The following DPAGT1 variants were observed in gnomAD, a reference collection of about 807,000 sequenced individuals.
The protein encoded by DPAGT1 is dolichyl-phosphate N-acetylglucosaminephosphotransferase 1, also known as UDP-N-acetylglucosamine--dolichyl-phosphate N-acetylglucosaminephosphotransferase.
A neutral mutation model predicts 39.3 loss-of-function variants in DPAGT1; 25 were observed. The observed-to-expected ratio is 0.64, with a 90% CI of 0.46 to 0.89. DPAGT1 has a LOEUF of 0.89. Ranked by LOEUF, DPAGT1 falls within the 40% of genes least tolerant of loss-of-function variation. The pLI, the probability that DPAGT1 is intolerant of heterozygous loss-of-function variation, is 0.00. For missense variants in DPAGT1, 381 were observed against 500.6 expected (o/e 0.76, Z 2.28); for synonymous variants, 193 against 201.4 (o/e 0.96, Z 0.36).
chr11:119,098,253 G>A (rs1946434867), intron 5 of DPAGT1, 150 bp downstream of exon 5: 3 of 1,139,126 alleles, frequency 2.6e-6, no homozygotes, highest in Non-Finnish European at 4.0e-6. Flanking sequence ...ACTGGGTAGA[G>A]AGAAATTTCA....
chr11:119,094,777 G>A (rs1224864564), downstream of DPAGT1: 2 of 624,126 alleles, frequency 3.2e-6, no homozygotes, highest in Non-Finnish European at 5.3e-6. Flanking sequence ...ACGGGAGCGG[G>A]GGCGGGCGGG....
rs1461084478 is a variant in DPAGT1 at position 119,097,129 on chromosome 11, T to C, written c.1161+13A>G. The C allele has an allele frequency of 3.7e-6, 6 of 1,614,088 alleles. No homozygotes were observed. Among genetic ancestry groups the C allele is most frequent in the Non-Finnish European group, 5.1e-6 (6 of 1,180,044 alleles). ...GGGAGACACGGAGGTATAAACTCGA[T>C]TCCCATCCTCACCTGCAGCAGCAGC... On this transcript the variant is annotated intron_variant, in intron 8 of 8. Coordinates refer to ENST00000354202, the MANE Select transcript of DPAGT1 (RefSeq NM_001382.4). This position sits in a 1 kb window ranked among gnomAD's most constrained non-coding sequence, Gnocchi z 4.6.
rs536452844 is a variant in DPAGT1, at chr11:119,100,248, C to T, written c.643+14G>A. The T allele has an allele frequency of 1.4e-5, 22 of 1,614,168 alleles. No homozygotes were observed. The highest frequency in any genetic ancestry group is 1.9e-5 in the Non-Finnish European group (22 of 1,180,024). ...CACTCAGACTTCTCTCTCCCCACCC[C>T]CAATCCCACCTACCTTCCAACTCTA... is the stretch of plus-strand genomic sequence containing the variant. On this transcript the variant is annotated intron_variant, in intron 4 of 8. Transcript: ENST00000354202.
At chr11:119,094,975 G>A (rs1379694876), downstream of DPAGT1, 2 of 1,611,544 alleles carry the variant, frequency 1.2e-6, no homozygotes, top group Non-Finnish European at 1.7e-6. Context: ...AGTACTCCTG[G>A]GAGGCCTGGG....
intron 4 of DPAGT1, among the ~76,000 whole-genome samples, chr11:119,099,254 G>A (rs912260236): frequency 4.6e-5 from 7 of 151,974 alleles, no homozygotes; most frequent in South Asian, 2.1e-4. Flanking sequence ...GAGAAACCCC[G>A]TCTCTACTAG....
At chr11:119,095,421 G>A (rs752719147), downstream of DPAGT1, 33 of 1,493,172 alleles carry the variant, frequency 2.2e-5, no homozygotes, top group Middle Eastern at 7.0e-4. Flanking sequence ...GGTGAAGCAC[G>A]ACGGCTCAAA....
chr11:119,099,571 T>C (rs535019223), intron 4 of DPAGT1, among the ~76,000 whole-genome samples: 1 of 151,752 alleles, frequency 6.6e-6, no homozygotes, highest in Admixed American at 6.6e-5. Flanking sequence ...GGCAGATCAC[T>C]TGAGCCCAGG....
At position 119,100,795 on chromosome 11, in the gene DPAGT1, G is replaced by A. The variant is rs767388830; in HGVS notation, c.331C>T (p.Leu111=). 2 of 1,614,240 alleles carry A rather than the reference G, an allele frequency of 1.2e-6. No homozygotes were observed. Among genetic ancestry groups the A allele is most frequent in the South Asian group, 2.2e-5 (2 of 91,088 alleles). Reference sequence around the variant, plus strand: ...TTCAGTACATCATCCGCAAAGCCCAGGAAGATCATGCAGCAGATGGCAAGG... The same window carrying A: ...TTCAGTACATCATCCGCAAAGCCCAAGAAGATCATGCAGCAGATGGCAAGG... The part of the protein sequence containing the change: ...ALLAICCMIF[L]GFADDVLNLR... The change falls in exon 3 of 9, where the codon CTG becomes TTG. Residue 111 remains leucine, a synonymous_variant. Transcript: ENST00000354202.
chr11:119,095,467 T>G, downstream of DPAGT1: 3 of 1,436,678 alleles, frequency 2.1e-6, no homozygotes, highest in South Asian at 1.4e-5. Flanking sequence ...GTAACTGCTG[T>G]CGCGCGCGCG....
chr11:119,101,192 T>A, intron 1 of DPAGT1, 54 bp from the exon 2 acceptor site: 1 of 1,611,388 alleles, frequency 6.2e-7, no homozygotes. Flanking sequence ...GCGTGGTCAC[T>A]CACTAGTGCA....
downstream of DPAGT1, chr11:119,094,896 G>C: frequency 6.9e-7 from 1 of 1,440,502 alleles, no homozygotes. Flanking sequence ...GAGGGCGGTG[G>C]TGGCCCTTAA....
In DPAGT1 at chr11:119,097,665, C is replaced by T; in HGVS notation, c.918-114G>A. 6.9e-7 allele frequency: 1 copy of T among 1,440,152 alleles called. No individual in the cohort carries two copies. Among genetic ancestry groups the T allele is most frequent in the Non-Finnish European group, 9.7e-7 (1 of 1,025,668 alleles). The allele number at this position is 1,440,152 out of a possible 1,614,324, so 89.2% of individuals were successfully genotyped here. ...AACCTGAGATCTATTTCTGGCTCTG[C>T]TGCTTACTGTTATCAGAACCACTGT... On this transcript the variant is annotated intron_variant, in intron 6 of 8. Transcript: ENST00000354202. This position sits in a 1 kb window ranked among gnomAD's most constrained non-coding sequence, Gnocchi z 4.6.
At chr11:119,098,678 A>C (rs1261855205) in intron 4 of DPAGT1, among the ~76,000 whole-genome samples, 191 bp from the exon 5 acceptor site, 1 of 152,204 alleles carries the variant, frequency 6.6e-6, no homozygotes. Flanking sequence ...GCAGCCTTCC[A>C]AACTAGTTAC....
At chr11:119,098,282 A>T in intron 5 of DPAGT1, 121 bp downstream of exon 5, 1 of 1,230,638 alleles carries the variant, frequency 8.1e-7, no homozygotes, top group Non-Finnish European at 1.2e-6. Flanking sequence ...CCAACTGAAG[A>T]CGCAGAAAAC....
In DPAGT1 at chr11:119,097,230, C is replaced by T; in HGVS notation, c.1073G>A (p.Cys358Tyr). 6.2e-7 allele frequency: 1 copy of T among 1,614,204 alleles called. No individual in the cohort carries two copies. Among genetic ancestry groups the T allele is most frequent in the Non-Finnish European group, 8.5e-7 (1 of 1,180,042 alleles). ...SETEDGEFTECNNMTLINLLL... is the reference protein window; with the variant it reads ...SETEDGEFTEYNNMTLINLLL... The stretch of plus-strand genomic sequence containing the variant: ...CAAGTTGATGAGGGTCATGTTGTTA[C>T]ATTCAGTGAATTCACCATCTTCAGT... The change falls in exon 8 of 9, where the codon TGT (cysteine) becomes TAT (tyrosine). Residue 358 changes from cysteine to tyrosine, a missense_variant. Cys to Tyr is a radical substitution (Grantham distance 194). Coordinates refer to ENST00000354202, the MANE Select transcript of DPAGT1 (RefSeq NM_001382.4). The surrounding 1 kb of genome is among the most constrained non-coding windows in gnomAD (Gnocchi z 4.6).
intron 1 of DPAGT1, 86 bp downstream of exon 1, chr11:119,101,409 G>A: frequency 6.2e-7 from 1 of 1,608,114 alleles, no homozygotes; most frequent in Non-Finnish European, 8.5e-7. Flanking sequence ...CTTCACGTGT[G>A]GTCAAGCACC....
rs1946404615 is a variant in DPAGT1, at chr11:119,096,974, G to A, written c.*24C>T. 5 of 1,613,676 alleles carry A rather than the reference G, an allele frequency of 3.1e-6. No individual in the cohort carries two copies. In the South Asian group the frequency reaches 4.4e-5, roughly 14 times the overall value. The stretch of plus-strand genomic sequence containing the variant: ...GAGTCAGGAATCCTAGAGACTGTGA[G>A]GTAAAGGACAATGATCAAGGGACTC... On this transcript the variant is annotated 3_prime_UTR_variant, in exon 9 of 9. Coordinates refer to ENST00000354202, the MANE Select transcript of DPAGT1 (RefSeq NM_001382.4).
At chr11:119,096,433 T>G (rs1220152728), downstream of DPAGT1, 1 of 174,436 alleles carries the variant, frequency 5.7e-6, no homozygotes, top group African/African-American at 2.4e-5. Context: ...ATAGGCATCC[T>G]GTTGGAGGAA....
At position 119,100,790 on chromosome 11, in the gene DPAGT1, G is replaced by A; in HGVS notation, c.336C>T (p.Gly112=). Residue 112 remains glycine, a synonymous_variant, in exon 3 of 9, where the codon GGC becomes GGT. Transcript: ENST00000354202. ...GCAGATTCAGTACATCATCCGCAAA[G>A]CCCAGGAAGATCATGCAGCAGATGG... ...LLAICCMIFL[G]FADDVLNLRW... 1.2e-6 allele frequency: 2 copies of A among 1,614,216 alleles called. No homozygotes were observed. The highest frequency in any genetic ancestry group is 1.7e-4 in the Middle Eastern group (1 of 6,060).
Sources: allele counts gnomAD v4.1 joint callset (sites outside exome capture counted in the v4.1 genomes callset), GRCh38; gene constraint gnomAD v4.1.1; non-coding constraint Gnocchi (gnomAD v3.1); transcripts MANE v1.5; gene names NCBI Gene and HGNC (gene_info 2026-07-23, HGNC 2026-07-21).